The following THUMPD2 variants were observed in gnomAD, a reference collection of about 807,000 sequenced individuals.
THUMPD2 encodes U6 snRNA (guanine-N(2))-methyltransferase THUMPD2.
Under a neutral mutation model 49.4 loss-of-function variants are expected in THUMPD2, and 56 were observed. The ratio of observed to expected loss-of-function variants is 1.13; its 90% CI spans 0.91 to 1.41. The LOEUF is 1.41. Among genes scored for constraint, THUMPD2 ranks in the 40% most tolerant of loss-of-function variants. The pLI, the probability that THUMPD2 is intolerant of heterozygous loss-of-function variation, is 0.00. For synonymous variants in THUMPD2, 237 were observed against 205.2 expected, an observed-to-expected ratio of 1.15 and a Z score of -1.32; for missense variants, 709 against 594.5, an observed-to-expected ratio of 1.19 and a Z score of -2.00.
At position 39,768,371 on chromosome 2, in the gene THUMPD2, TG is replaced by T. The variant is rs1369143971; in HGVS notation, c.750+52del. 7 of 1,415,332 alleles carry T rather than the reference TG, an allele frequency of 4.9e-6. No individual in the cohort carries two copies. The East Asian group carries it at 1.6e-4, about 32-fold the overall frequency. 87.7% of individuals were successfully genotyped at this position (1,415,332 alleles called of 1,614,324 possible). On this transcript the variant is annotated intron_variant, in intron 4 of 9. Transcript: ENST00000505747. ...AAAGTATGATAAGAATACAGGACAC[TG>T]TCTTTAAAGAATTAGGTTACAAGTA...
At chr2:39,753,109 A>C (rs1675633118) in intron 8 of THUMPD2, among the ~76,000 whole-genome samples, 1 of 152,166 alleles carries the variant, frequency 6.6e-6, no homozygotes, top group South Asian at 2.1e-4. Flanking sequence ...TGTTCAAAAA[A>C]ACCCCTGCTT....
chr2:39,773,033 G>A (rs1678541131), intron 1 of THUMPD2, among the ~76,000 whole-genome samples: 1 of 152,146 alleles, frequency 6.6e-6, no homozygotes, highest in African/African-American at 2.4e-5. Flanking sequence ...GACATTATGG[G>A]AGGAAGCAGG....
chr2:39,755,502 GAAATT>G, intron 7 of THUMPD2, 93 bp from the exon 8 acceptor site: 1 of 785,690 alleles, frequency 1.3e-6, no homozygotes, highest in Non-Finnish European at 2.0e-6. Flanking sequence ...AATGACAAGT[GAAATT>G]AGTAGATTTT....
rs531672703 is a variant in THUMPD2, at chr2:39,736,109, A to C, written c.*626T>G. The C allele has an allele frequency of 6.6e-6, 1 of 152,386 alleles. No individual in the cohort carries two copies. The highest frequency in any genetic ancestry group is 2.1e-4 in the South Asian group (1 of 4,832). 9.4% of individuals were successfully genotyped at this position (152,386 alleles called of 1,614,324 possible). A position where few individuals can be genotyped will look rare whatever the true frequency, so the allele number is the denominator to read the frequency against. ...TTTTCTCAGGTAGTGAACATAAGCA[A>C]CAAACTGACTTTCTATATAAATAAG... On this transcript the variant is annotated 3_prime_UTR_variant, in exon 10 of 10. Coordinates refer to ENST00000505747, the MANE Select transcript of THUMPD2 (RefSeq NM_025264.5).
At chr2:39,750,384 A>G (rs1675232360) in intron 8 of THUMPD2, among the ~76,000 whole-genome samples, 1 of 152,214 alleles carries the variant, frequency 6.6e-6, no homozygotes, top group Non-Finnish European at 1.5e-5. Flanking sequence ...TTAGTTGGCC[A>G]TATGAATGTC....
intron 4 of THUMPD2, 117 bp from the exon 5 acceptor site, chr2:39,766,226 G>A (rs1044087011): frequency 1.1e-5 from 7 of 646,782 alleles, no homozygotes; most frequent in African/African-American, 1.9e-5. Flanking sequence ...GAAACTCCAA[G>A]GCCTTATTCA....
chr2:39,739,085 G>T (rs1168799757), intron 9 of THUMPD2, among the ~76,000 whole-genome samples: 1 of 152,142 alleles, frequency 6.6e-6, no homozygotes, highest in Non-Finnish European at 1.5e-5. Flanking sequence ...CAACAATCTG[G>T]TAGACAGGTC....
In THUMPD2 at chr2:39,744,473, G is replaced by C. The variant is rs1674311496; in HGVS notation, c.1084C>G (p.Pro362Ala). The C allele has an allele frequency of 6.4e-7, 1 of 1,559,098 alleles. No homozygotes were observed. The highest frequency in any genetic ancestry group is 8.7e-7 in the Non-Finnish European group (1 of 1,155,178). ...ATATCAACACTTTCTGAAGGCAATGGCAATTCTGAAATATAGAAATCAGAG... is the reference window on the plus strand; with the variant it reads ...ATATCAACACTTTCTGAAGGCAATGCCAATTCTGAAATATAGAAATCAGAG... ...ELLKISVIEL[P>A]LPSESVDIII... Residue 362 changes from proline (P) to alanine (A), a missense_variant, in exon 9 of 10, where the codon CCA (proline) becomes GCA (alanine). Pro to Ala is a conservative substitution (Grantham distance 27). Transcript: ENST00000505747.
Position 39,761,330 on chromosome 2 carries a change from C to A in THUMPD2, c.891+1G>T, listed in dbSNP as rs867006586. 1 of 1,613,488 alleles carries A rather than the reference C, an allele frequency of 6.2e-7. No individual in the cohort carries two copies. Among genetic ancestry groups the A allele is most frequent in the Non-Finnish European group, 8.5e-7 (1 of 1,179,572 alleles). On this transcript the variant is annotated splice_donor_variant, in intron 6 of 9. Transcript: ENST00000505747. LOFTEE classifies it high-confidence loss of function. ...AACAGGAAGGAAAACATTTTTCTTA[C>A]CTTAATGTCAGCCAGAGATGCCATT...
Position 39,779,245 on chromosome 2 carries a change from C to T in THUMPD2, c.-6G>A. 3 of 1,487,026 alleles carry T rather than the reference C, an allele frequency of 2.0e-6. No individual in the cohort carries two copies. Among genetic ancestry groups the T allele is most frequent in the East Asian group, 5.7e-5 (2 of 35,024 alleles). The allele number at this position is 1,487,026 out of a possible 1,614,324, so 92.1% of individuals were successfully genotyped here. A position where few individuals can be genotyped will look rare whatever the true frequency, so the allele number is the denominator to read the frequency against. On this transcript the variant is annotated 5_prime_UTR_variant, in exon 1 of 10. Coordinates refer to ENST00000505747, the MANE Select transcript of THUMPD2 (RefSeq NM_025264.5). Reference sequence around the variant, plus strand: ...TCTCCACGCGCCTCCGACATGGCGGCTCAGGCGCGCCCTCGCGCCTTCGGG... The same window carrying T: ...TCTCCACGCGCCTCCGACATGGCGGTTCAGGCGCGCCCTCGCGCCTTCGGG...
chr2:39,769,619 C>T (rs1421706840), intron 3 of THUMPD2, 91 bp downstream of exon 3: 1 of 1,327,108 alleles, frequency 7.5e-7, no homozygotes. Flanking sequence ...AAAGAATCAC[C>T]TGAACCTGGG....
intron 5 of THUMPD2, 133 bp downstream of exon 5, chr2:39,765,924 G>T: frequency 1.4e-6 from 1 of 728,850 alleles, no homozygotes; most frequent in Non-Finnish European, 2.3e-6. Context: ...ATTGTCTTAA[G>T]CAAAGAATTC....
At chr2:39,754,747 G>A (rs116233017) in intron 8 of THUMPD2, among the ~76,000 whole-genome samples, 253 of 152,222 alleles carry the variant, frequency 1.7e-3, no homozygotes, top group Middle Eastern at 0.014. Context: ...CATTAAACAG[G>A]GTACTGTTTT....
At chr2:39,761,089 T>C (rs1404962682) in intron 6 of THUMPD2, among the ~76,000 whole-genome samples, 1 of 152,068 alleles carries the variant, frequency 6.6e-6, no homozygotes, top group Non-Finnish European at 1.5e-5. Context: ...ACATTAGAAA[T>C]AATGAAATGT....
At chr2:39,740,638 G>C (rs139945793) in intron 9 of THUMPD2, among the ~76,000 whole-genome samples, 236 of 151,604 alleles carry the variant, frequency 1.6e-3, no homozygotes, top group Middle Eastern at 0.014. Context: ...TATTTTTTTA[G>C]AGATGGGGTC....
rs1673108528 is a variant in THUMPD2, at chr2:39,736,612, C to A, written c.*123G>T. 2.5e-6 allele frequency: 2 copies of A among 803,374 alleles called. No individual in the cohort carries two copies. Among genetic ancestry groups the A allele is most frequent in the African/African-American group, 3.5e-5 (2 of 57,504 alleles). The allele number at this position is 803,374 out of a possible 1,614,324, so 49.8% of individuals were successfully genotyped here. A position where few individuals can be genotyped will look rare whatever the true frequency, so the allele number is the denominator to read the frequency against. On this transcript the variant is annotated 3_prime_UTR_variant, in exon 10 of 10. Coordinates refer to ENST00000505747, the MANE Select transcript of THUMPD2 (RefSeq NM_025264.5). ...CATGTGTACCCATCAGCCACACCTC[C>A]TGTCTTTGGGGGAATTTGGTTACTT...
chr2:39,773,678 C>T (rs192749361), intron 1 of THUMPD2, among the ~76,000 whole-genome samples: 35 of 149,004 alleles, frequency 2.3e-4, no homozygotes, highest in Non-Finnish European at 4.0e-4. Context: ...AAAAAGAACA[C>T]GACTATTAAG....
intron 8 of THUMPD2, among the ~76,000 whole-genome samples, chr2:39,747,331 T>A (rs921993385): frequency 1.3e-5 from 2 of 152,220 alleles, no homozygotes; most frequent in African/African-American, 4.8e-5. Flanking sequence ...TTTTCTTTGA[T>A]GATTACTATT....
chr2:39,744,448 A>T lies in THUMPD2; in HGVS notation c.1109T>A (p.Ile370Asn), dbSNP rs775567243. 6 of 1,585,276 alleles carry T rather than the reference A, an allele frequency of 3.8e-6. No individual in the cohort carries two copies. The African/African-American group carries it at 8.2e-5, about 22-fold the overall frequency. ...ELPLPSESVDIIISDIPFGKK... is the reference protein window; with the variant it reads ...ELPLPSESVDNIISDIPFGKK... ...CCCAAATGGAATGTCAGAAATAATA[A>T]TATCAACACTTTCTGAAGGCAATGG... The change falls in exon 9 of 10, where the codon ATT becomes AAT. Residue 370 changes from isoleucine to asparagine, a missense_variant. By Grantham distance (149) the Ile-to-Asn change is moderately radical. Coordinates refer to ENST00000505747, the MANE Select transcript of THUMPD2 (RefSeq NM_025264.5).
Sources: gnomAD v4.1 joint callset for allele counts (sites outside exome capture counted in the v4.1 genomes callset) on GRCh38, gnomAD v4.1.1 for gene constraint, MANE v1.5 for transcripts, NCBI Gene and HGNC (gene_info 2026-07-23, HGNC 2026-07-21) for gene names.